The following GALNT13 variants were observed in gnomAD, a reference collection of about 807,000 sequenced individuals.
The protein encoded by GALNT13 is UDP-GalNAc:polypeptide N-acetylgalactosaminyltransferase 13.
In GALNT13, 28 loss-of-function variants were observed where a neutral mutation model predicts 64.2. That is an observed-to-expected ratio of 0.44 (90% confidence interval 0.32 to 0.60). GALNT13 has a LOEUF of 0.60. Among genes scored for constraint, GALNT13 ranks in the 20% least tolerant of loss-of-function variants. The pLI, the probability that GALNT13 is intolerant of heterozygous loss-of-function variation, is 0.05. For missense variants in GALNT13, 577 were observed against 669.8 expected, an observed-to-expected ratio of 0.86 and a Z score of 1.53; for synonymous variants, 214 against 224.6, an observed-to-expected ratio of 0.95 and a Z score of 0.42.
At chr2:153,179,877 A>AT in the GALNT13 span, among the ~76,000 whole-genome samples, 1 of 151,986 alleles carries the variant, frequency 6.6e-6, no homozygotes, top group Non-Finnish European at 1.5e-5. Flanking sequence ...TTTTGTGTTG[A>AT]TTTTATATCC....
intron 11 of GALNT13, among the ~76,000 whole-genome samples, chr2:154,429,513 A>C (rs1700618058): frequency 6.6e-6 from 1 of 152,216 alleles, no homozygotes; most frequent in African/African-American, 2.4e-5. Flanking sequence ...GAAAATTTGA[A>C]GCTAGCAGAA....
At chr2:153,735,320 C>T in the GALNT13 span, among the ~76,000 whole-genome samples, 3 of 151,570 alleles carry the variant, frequency 2.0e-5, no homozygotes, top group South Asian at 6.3e-4. Context: ...ACTTTTCCCC[C>T]CAAGATTTCA....
the GALNT13 span, among the ~76,000 whole-genome samples, chr2:153,140,697 T>G: frequency 5.5e-4 from 83 of 151,990 alleles, no homozygotes; most frequent in Non-Finnish European, 1.1e-3. Context: ...CACAAGGAAC[T>G]TTGCCCTCAA....
chr2:153,624,569 A>G, the GALNT13 span, among the ~76,000 whole-genome samples: 4 of 152,108 alleles, frequency 2.6e-5, no homozygotes, highest in Admixed American at 6.6e-5. Flanking sequence ...AAGACATGCA[A>G]CAGAGCCAAG....
chr2:154,235,846 A>G (rs146255255), intron 4 of GALNT13, among the ~76,000 whole-genome samples: 2 of 152,276 alleles, frequency 1.3e-5, no homozygotes, highest in African/African-American at 2.4e-5. Context: ...GAAAACATCA[A>G]TATGGTTTTG....
intron 12 of GALNT13, among the ~76,000 whole-genome samples, chr2:154,443,021 A>G (rs1043745922): frequency 1.1e-4 from 16 of 152,052 alleles, no homozygotes; most frequent in African/African-American, 3.9e-4. Context: ...TTACACTACC[A>G]TCTTTTATTT....
intron 9 of GALNT13, among the ~76,000 whole-genome samples, chr2:154,385,390 C>G (rs1324052368): frequency 1.3e-5 from 2 of 151,894 alleles, no homozygotes; most frequent in African/African-American, 2.4e-5. Flanking sequence ...TTACCATGTT[C>G]TGTACCCAGG....
chr2:154,190,355 G>A (rs910703796), intron 4 of GALNT13, among the ~76,000 whole-genome samples: 6 of 152,096 alleles, frequency 3.9e-5, no homozygotes, highest in African/African-American at 1.4e-4. Context: ...ACAGCTAAAA[G>A]GTGAAAATAG....
At chr2:153,072,309 G>C in the GALNT13 span, among the ~76,000 whole-genome samples, 2 of 152,142 alleles carry the variant, frequency 1.3e-5, no homozygotes, top group Non-Finnish European at 2.9e-5. Context: ...AGCACAGCGT[G>C]GTGTGCCTCT....
chr2:153,478,857 G>A, the GALNT13 span: 2 of 376,066 alleles, frequency 5.3e-6, no homozygotes, highest in East Asian at 4.2e-5. Flanking sequence ...GCCCGGCCGT[G>A]GGAGGTGCGG....
chr2:153,984,142 G>T (rs1694645581), intron 3 of GALNT13, among the ~76,000 whole-genome samples: 1 of 151,488 alleles, frequency 6.6e-6, no homozygotes, highest in Admixed American at 6.6e-5. Flanking sequence ...AAACTACATT[G>T]TCATCATGGA....
chr2:153,505,934 G>A, the GALNT13 span, among the ~76,000 whole-genome samples: 16 of 152,096 alleles, frequency 1.1e-4, no homozygotes, highest in Non-Finnish European at 2.1e-4. Context: ...TTGATGACCT[G>A]TCAGTGGAGT....
At chr2:153,069,752 C>T in the GALNT13 span, among the ~76,000 whole-genome samples, 1 of 152,134 alleles carries the variant, frequency 6.6e-6, no homozygotes. Context: ...GTTATTTTCT[C>T]TTTTCCTGAA....
the GALNT13 span, among the ~76,000 whole-genome samples, chr2:153,328,916 A>T: frequency 6.6e-6 from 1 of 152,044 alleles, no homozygotes; most frequent in Admixed American, 6.6e-5. Context: ...TTTGTGCTTG[A>T]AAACCAGGGC....
At chr2:153,796,787 G>A in the GALNT13 span, among the ~76,000 whole-genome samples, 1 of 152,118 alleles carries the variant, frequency 6.6e-6, no homozygotes, top group African/African-American at 2.4e-5. Context: ...TTTCTTTGGT[G>A]CCATACATTT....
chr2:153,273,344 G>A, the GALNT13 span, among the ~76,000 whole-genome samples: 3 of 152,166 alleles, frequency 2.0e-5, no homozygotes, highest in Non-Finnish European at 4.4e-5. Flanking sequence ...TGAGGTGAAA[G>A]TAACCTATCT....
the GALNT13 span, among the ~76,000 whole-genome samples, chr2:153,723,754 G>A: frequency 1.1e-3 from 161 of 151,782 alleles, no homozygotes; most frequent in Non-Finnish European, 1.8e-3. Context: ...CAAGGGATGT[G>A]AAGGACCTCT....
the GALNT13 span, among the ~76,000 whole-genome samples, chr2:153,555,190 C>CTTTT: frequency 1.3e-4 from 14 of 105,188 alleles, no homozygotes; most frequent in East Asian, 2.6e-4. Context: ...AGAAGCTTTA[C>CTTTT]TTTTTTTTTT....
chr2:154,448,621 A>G (rs1701715702), intron 12 of GALNT13, among the ~76,000 whole-genome samples: 1 of 152,036 alleles, frequency 6.6e-6, no homozygotes, highest in Non-Finnish European at 1.5e-5. Context: ...TAAATCATAT[A>G]TTGTTTAGAA....
Sources: gnomAD v4.1 joint callset for allele counts (sites outside exome capture counted in the v4.1 genomes callset) on GRCh38, gnomAD v4.1.1 for gene constraint, MANE v1.5 for transcripts, NCBI Gene and HGNC (gene_info 2026-07-23, HGNC 2026-07-21) for gene names.